Variants in TBC1D9 observed in about 807,000 individuals in gnomAD.
TBC1D9 encodes the protein TBC1 domain family member 9A.
TBC1D9 carries 63 observed loss-of-function variants against 132.0 expected under a neutral mutation model. The ratio of observed to expected loss-of-function variants is 0.48; its 90% CI spans 0.39 to 0.59. TBC1D9 has a LOEUF of 0.59. TBC1D9 is among the 20% of genes least tolerant of loss of function. The pLI is 0.00. For synonymous variants in TBC1D9, 610 were observed against 609.9 expected (o/e 1.00, Z 0.00); for missense variants, 1,261 against 1,592.7 (o/e 0.79, Z 3.54).
intron 2 of TBC1D9, among the ~76,000 whole-genome samples, chr4:140,692,589 A>T (rs1163405870): frequency 6.6e-6 from 1 of 152,258 alleles, no homozygotes; most frequent in Non-Finnish European, 1.5e-5. Context: ...AAACATTTTT[A>T]GAAACAAATG....
intron 16 of TBC1D9, among the ~76,000 whole-genome samples, chr4:140,629,708 T>C (rs977418459): frequency 6.6e-6 from 1 of 152,170 alleles, no homozygotes; most frequent in African/African-American, 2.4e-5. Context: ...CTCCAGGAAA[T>C]AGGGGAACTG....
In TBC1D9 at chr4:140,709,414, G is replaced by A. The variant is rs138881202; in HGVS notation, c.131-7800C>T. On this transcript the variant is annotated intron_variant, in intron 1 of 20. Coordinates refer to ENST00000442267, the MANE Select transcript of TBC1D9 (RefSeq NM_015130.3). ...TCAGTTTTGCCAACTGGGGGACGGG[G>A]CTGAAAAAAATCAGTTTTTCTTTGT... Among the ~76,000 whole-genome samples, 725 of 151,410 alleles carry A rather than the reference G, an allele frequency of 4.8e-3. 9 individuals carry two copies. Among genetic ancestry groups the A allele is most frequent in the African/African-American group, 0.017 (695 of 41,132 alleles).
At position 140,676,940 on chromosome 4, in the gene TBC1D9, G is replaced by T; in HGVS notation, c.1013C>A (p.Thr338Asn). ...MFVSTNYICF[T>N]SKEENLCSLI... ...GCTACATAAGTTCTCCTCCTTGCTG[G>T]TAAAACAGATGTAATTTGTGGACAC... is the stretch of plus-strand genomic sequence containing the variant. Residue 338 changes from threonine (T) to asparagine (N), a missense_variant, in exon 6 of 21, where the codon ACC becomes AAC. Physicochemically the swap from Thr to Asn is moderately conservative, Grantham distance 65. Around this residue, in one of 3 missense-constraint regions of TBC1D9, gnomAD observed 550 missense variants for 699.0 expected, o/e 0.79. Coordinates refer to ENST00000442267, the MANE Select transcript of TBC1D9 (RefSeq NM_015130.3). The T allele has an allele frequency of 6.2e-7, 1 of 1,613,930 alleles. No individual in the cohort carries two copies. Among genetic ancestry groups the T allele is most frequent in the Non-Finnish European group, 8.5e-7 (1 of 1,179,858 alleles).
chr4:140,730,827 A>G (rs139095589), intron 1 of TBC1D9, among the ~76,000 whole-genome samples: 1 of 152,368 alleles, frequency 6.6e-6, no homozygotes, highest in African/African-American at 2.4e-5. Flanking sequence ...TGAGGCCCAC[A>G]GGGAGCAAGT....
At chr4:140,747,601 GA>G (rs1380244764) in intron 1 of TBC1D9, among the ~76,000 whole-genome samples, 1 of 152,114 alleles carries the variant, frequency 6.6e-6, no homozygotes, top group Non-Finnish European at 1.5e-5. Context: ...TACCATACCT[GA>G]AAAAAAGACA....
At chr4:140,751,854 A>G (rs1738929536) in intron 1 of TBC1D9, among the ~76,000 whole-genome samples, 1 of 152,258 alleles carries the variant, frequency 6.6e-6, no homozygotes, top group Non-Finnish European at 1.5e-5. Flanking sequence ...ATCAGTCAGG[A>G]AAAAGCAAAT....
At chr4:140,702,540 CCT>C (rs1368627442) in intron 1 of TBC1D9, among the ~76,000 whole-genome samples, 3 of 152,176 alleles carry the variant, frequency 2.0e-5, no homozygotes, top group African/African-American at 7.2e-5. Context: ...AACGCACAAC[CCT>C]GTTTCTCACT....
chr4:140,706,531 C>A lies in TBC1D9; in HGVS notation c.131-4917G>T, dbSNP rs1187010096. ...TACCACTACTCTGACTTTTTTAACA[C>A]TTTGCCTTACCTGCTTCCGATCTAT... is the stretch of plus-strand genomic sequence containing the variant. On this transcript the variant is annotated intron_variant, in intron 1 of 20. Coordinates refer to ENST00000442267, the MANE Select transcript of TBC1D9 (RefSeq NM_015130.3). The surrounding 1 kb of genome is among the most constrained non-coding windows in gnomAD (Gnocchi z 4.0). 6.6e-6 allele frequency among the ~76,000 whole-genome samples: 1 copy of A among 151,906 alleles called. No individual in the cohort carries two copies. The highest frequency in any genetic ancestry group is 2.4e-5 in the African/African-American group (1 of 41,382).
chr4:140,716,954 C>A (rs1317872910), intron 1 of TBC1D9, among the ~76,000 whole-genome samples: 13 of 146,534 alleles, frequency 8.9e-5, no homozygotes, highest in Non-Finnish European at 2.0e-4. Flanking sequence ...ACAACAACAA[C>A]AAAAAAAGCA....
intron 13 of TBC1D9, 49 bp from the exon 14 acceptor site, chr4:140,639,477 C>T: frequency 4.6e-6 from 6 of 1,302,044 alleles, no homozygotes; most frequent in East Asian, 2.4e-5. Flanking sequence ...TTACAGCACA[C>T]AATGTCCTGT....
At chr4:140,682,030 G>A (rs1184821806) in intron 3 of TBC1D9, among the ~76,000 whole-genome samples, 1 of 152,106 alleles carries the variant, frequency 6.6e-6, no homozygotes, top group African/African-American at 2.4e-5. Context: ...GCACCTAAAA[G>A]ATGTTCAATA....
intron 10 of TBC1D9, 54 bp from the exon 11 acceptor site, chr4:140,659,759 T>C (rs1333233158): frequency 8.2e-7 from 1 of 1,222,314 alleles, no homozygotes; most frequent in Non-Finnish European, 1.2e-6. Context: ...TAAGCAATTC[T>C]GTTAGCATAT....
chr4:140,729,248 C>T (rs1459686504), intron 1 of TBC1D9, among the ~76,000 whole-genome samples: 1 of 152,058 alleles, frequency 6.6e-6, no homozygotes, highest in East Asian at 1.9e-4. Flanking sequence ...AGTAAAATTA[C>T]ACAGACGTAA....
chr4:140,690,757 C>A (rs1439189857), intron 2 of TBC1D9, among the ~76,000 whole-genome samples: 1 of 152,038 alleles, frequency 6.6e-6, no homozygotes, highest in Non-Finnish European at 1.5e-5. Context: ...ACCAGTATAG[C>A]AGGAACTCTA....
rs749778287 is a variant in TBC1D9 at position 140,639,333 on chromosome 4, G to A, written c.2433C>T (p.Asn811=). The part of the protein sequence containing the change: ...IQTLEDTTKR[N]VVRTIVTETS... Reference sequence around the variant, plus strand: ...TGCTACTTCTTAAAGGACTTACCACGTTGCGTTTCGTAGTATCCTCCAGCG... The same window carrying A: ...TGCTACTTCTTAAAGGACTTACCACATTGCGTTTCGTAGTATCCTCCAGCG... Residue 811 remains asparagine (N), a synonymous_variant, in exon 14 of 21, where the codon AAC becomes AAT. Transcript: ENST00000442267. 9.3e-6 allele frequency: 15 copies of A among 1,609,336 alleles called. No individual in the cohort carries two copies. Among genetic ancestry groups the A allele is most frequent in the Middle Eastern group, 1.7e-4 (1 of 6,056 alleles).
intron 1 of TBC1D9, among the ~76,000 whole-genome samples, chr4:140,704,260 G>A (rs952955685): frequency 1.3e-4 from 20 of 151,918 alleles, no homozygotes; most frequent in African/African-American, 4.8e-4. Context: ...AATTAGCCAG[G>A]CACAATGGTG....
Position 140,756,209 on chromosome 4 carries a change from C to G in TBC1D9, c.-164G>C. 2.4e-6 allele frequency: 1 copy of G among 411,050 alleles called. No homozygotes were observed. Among genetic ancestry groups the G allele is most frequent in the Non-Finnish European group, 4.1e-6 (1 of 245,598 alleles). 25.5% of individuals were successfully genotyped at this position (411,050 alleles called of 1,614,324 possible). ...ACTTCAGGGGGTGGCCCGCGGCGTC[C>G]GGGCCACAACAAAGCCCCAGCAGGC... On this transcript the variant is annotated 5_prime_UTR_variant, in exon 1 of 21. Transcript: ENST00000442267. The surrounding 1 kb of genome is among the most constrained non-coding windows in gnomAD (Gnocchi z 5.6).
chr4:140,643,710 G>T lies in TBC1D9; in HGVS notation c.2338-4282C>A, dbSNP rs1361692672. The stretch of plus-strand genomic sequence containing the variant: ...CTGCACCCCCAGGTCCAATGCGGCC[G>T]TGCAGGGTTCTGTCCGGCCCGGGGA... On this transcript the variant is annotated intron_variant, in intron 13 of 20. Transcript: ENST00000442267. 12 of 1,207,942 alleles carry T rather than the reference G, an allele frequency of 9.9e-6. No homozygotes were observed. The East Asian group carries it at 2.5e-4, about 25-fold the overall frequency. The allele number at this position is 1,207,942 out of a possible 1,614,324, so 74.8% of individuals were successfully genotyped here.
At chr4:140,651,718 C>A (rs1737190069) in intron 13 of TBC1D9, among the ~76,000 whole-genome samples, 1 of 151,986 alleles carries the variant, frequency 6.6e-6, no homozygotes. Context: ...ACTGTCTGGA[C>A]TTTGCTTTAA....
Sources: gnomAD v4.1 joint callset for allele counts (sites outside exome capture counted in the v4.1 genomes callset) on GRCh38, gnomAD v4.1.1 for gene constraint, gnomAD v4.1.1 regional missense constraint, Gnocchi (gnomAD v3.1) non-coding constraint, MANE v1.5 for transcripts, NCBI Gene and HGNC (gene_info 2026-07-23, HGNC 2026-07-21) for gene names.